RYR3: variants seen among roughly 807,000 people sequenced by gnomAD.
The protein encoded by RYR3 is ryanodine receptor 3.
Under a neutral mutation model 584.3 loss-of-function variants are expected in RYR3, and 207 were observed. The ratio of observed to expected loss-of-function variants is 0.35; its 90% CI spans 0.32 to 0.40. The LOEUF is 0.40. Ranked by LOEUF, RYR3 falls within the 10% of genes least tolerant of loss-of-function variation. The pLI is 1.00. For missense variants in RYR3, 5,616 were observed against 6,089.2 expected, an observed-to-expected ratio of 0.92 and a Z score of 2.59; for synonymous variants, 2,416 against 2,248.5, an observed-to-expected ratio of 1.07 and a Z score of -2.11.
chr15:33,552,830 T>A (rs2056786429), intron 10 of RYR3, among the ~76,000 whole-genome samples: 1 of 152,328 alleles, frequency 6.6e-6, no homozygotes, highest in South Asian at 2.1e-4. Context: ...TTTCCTGGGC[T>A]TCCATGTGCC....
At chr15:33,763,576 C>T (rs1292688959) in intron 60 of RYR3, among the ~76,000 whole-genome samples, 7 of 151,996 alleles carry the variant, frequency 4.6e-5, no homozygotes, top group African/African-American at 2.4e-5. Context: ...TACCATCTCA[C>T]GCCAGTTAGA....
At chr15:33,375,937 G>A (rs940648013) in intron 1 of RYR3, among the ~76,000 whole-genome samples, 2 of 152,042 alleles carry the variant, frequency 1.3e-5, no homozygotes, top group South Asian at 2.1e-4. Context: ...GGTGGCGGGC[G>A]CCTGTAGTTG....
rs375717991 is a variant in RYR3 at position 33,724,047 on chromosome 15, C to G, written c.6801-18C>G. On this transcript the variant is annotated intron_variant, in intron 44 of 103. Coordinates refer to ENST00000634891, the MANE Select transcript of RYR3 (RefSeq NM_001036.6). ...CCTGCCAACCTTCCTCACACCTCCC[C>G]TCTGTTGGTTCTCTCAGCAGCACGG... 2.0e-6 allele frequency: 3 copies of G among 1,471,738 alleles called. No homozygotes were observed. In the South Asian group the frequency reaches 3.4e-5, roughly 17 times the overall value. 91.2% of individuals were successfully genotyped at this position (1,471,738 alleles called of 1,614,324 possible). A position where few individuals can be genotyped will look rare whatever the true frequency, so the allele number is the denominator to read the frequency against.
chr15:33,584,033 CAA>C (rs1014075278), intron 14 of RYR3, among the ~76,000 whole-genome samples: 6 of 151,762 alleles, frequency 4.0e-5, no homozygotes, highest in African/African-American at 1.2e-4. Flanking sequence ...GCCTGGGCAA[CAA>C]GAGTGAAAAC....
At chr15:33,395,891 T>C (rs1381135566) in intron 1 of RYR3, among the ~76,000 whole-genome samples, 2 of 152,184 alleles carry the variant, frequency 1.3e-5, no homozygotes, top group Non-Finnish European at 2.9e-5. Context: ...TAAAATGGCA[T>C]AGCATAGTTG....
At position 33,635,890 on chromosome 15, in the gene RYR3, C is replaced by T. The variant is rs2061474830; in HGVS notation, c.3381+71C>T. 6 of 1,315,186 alleles carry T rather than the reference C, an allele frequency of 4.6e-6. No homozygotes were observed. In the Admixed American group the frequency reaches 7.9e-5, roughly 17 times the overall value. 81.5% of individuals were successfully genotyped at this position (1,315,186 alleles called of 1,614,324 possible). On this transcript the variant is annotated intron_variant, in intron 26 of 103. Transcript: ENST00000634891. ...CCTTCTCCAAACATTTTTCTGGAAG[C>T]TCAAATTACTGGATCTCTGGCTTCA... is the stretch of plus-strand genomic sequence containing the variant.
rs200035756 is a variant in RYR3, at chr15:33,701,040, A to G, written c.6443A>G (p.Asn2148Ser). The change falls in exon 42 of 104, where the codon AAT (asparagine) becomes AGT (serine). Residue 2148 changes from asparagine (N) to serine (S), a missense_variant. Asn to Ser is a conservative substitution (Grantham distance 46). Coordinates refer to ENST00000634891, the MANE Select transcript of RYR3 (RefSeq NM_001036.6). ...DVAASSVMDN[N>S]ELALSLEEPD... is the part of the protein sequence containing the mutation. ...GCAGCTTCCTCTGTGATGGACAACA[A>G]TGAGTTAGCGCTGAGCTTAGAGGAA... 21 of 1,613,322 alleles carry G rather than the reference A, an allele frequency of 1.3e-5. No individual in the cohort carries two copies. The African/African-American group carries it at 2.8e-4, about 22-fold the overall frequency.
intron 38 of RYR3, among the ~76,000 whole-genome samples, chr15:33,677,882 G>A (rs2064292777): frequency 6.6e-6 from 1 of 152,214 alleles, no homozygotes; most frequent in African/African-American, 2.4e-5. Flanking sequence ...TATGACTGGG[G>A]CAGTTTTGTG....
At chr15:33,648,130 G>C (rs1048128147) in intron 30 of RYR3, among the ~76,000 whole-genome samples, 13 of 152,144 alleles carry the variant, frequency 8.5e-5, no homozygotes, top group Admixed American at 6.5e-4. Context: ...TAGTCTGTGG[G>C]GGACACTGTG....
In RYR3 at chr15:33,460,940, C is replaced by CTTTTTTTTTTTT. The variant is rs66742049; in HGVS notation, c.52-12468_52-12457dup. Among the ~76,000 whole-genome samples, 349 of 79,188 alleles carry CTTTTTTTTTTTT rather than the reference C, an allele frequency of 4.4e-3. 63 individuals carry two copies. Among genetic ancestry groups the CTTTTTTTTTTTT allele is most frequent in the African/African-American group, 0.017 (300 of 17,456 alleles). The allele number at this position is 79,188 out of a possible 152,430, so 52.0% of individuals were successfully genotyped here. ...GGAATTTGTGGCACATAATATCCACCTTTTTTTTTTTTTTTTTTTTTTAAG... is the reference window on the plus strand; with the variant it reads ...GGAATTTGTGGCACATAATATCCACCTTTTTTTTTTTTTTTTTTTTTTTTTTTTTTTTTTAAG... On this transcript the variant is annotated intron_variant, in intron 1 of 103. Transcript: ENST00000634891.
intron 36 of RYR3, among the ~76,000 whole-genome samples, chr15:33,668,752 A>G (rs754156006): frequency 1.3e-5 from 2 of 152,228 alleles, no homozygotes; most frequent in Admixed American, 6.5e-5. Context: ...ATAAAAAAAC[A>G]TTAAAATATG....
intron 1 of RYR3, among the ~76,000 whole-genome samples, chr15:33,382,364 C>T (rs1199655196): frequency 8.0e-6 from 1 of 125,778 alleles, no homozygotes; most frequent in East Asian, 2.5e-4. Flanking sequence ...CGCTTTGTCG[C>T]CCAGGCTGGA....
Position 33,860,674 on chromosome 15 carries a change from A to G in RYR3, c.14364+15A>G. 6.5e-7 allele frequency: 1 copy of G among 1,546,196 alleles called. No homozygotes were observed. The highest frequency in any genetic ancestry group is 8.8e-7 in the Non-Finnish European group (1 of 1,130,644). ...AAGATATGGAGGTAATGTTACTCTA[A>G]CTACTAATCCCAGCTCTATTTTAAT... is the stretch of plus-strand genomic sequence containing the variant. On this transcript the variant is annotated intron_variant, in intron 101 of 103. Coordinates refer to ENST00000634891, the MANE Select transcript of RYR3 (RefSeq NM_001036.6).
chr15:33,838,410 A>C lies in RYR3; in HGVS notation c.12430A>C (p.Met4144Leu). 6.2e-7 allele frequency: 1 copy of C among 1,614,038 alleles called. No homozygotes were observed. The highest frequency in any genetic ancestry group is 8.5e-7 in the Non-Finnish European group (1 of 1,179,898). Reference sequence around the variant, plus strand: ...TCTTGAGCCGGCCTCTGCATTTGCTATGGCCTGTGCCTCTGTGAAGAGGAA... The same window carrying C: ...TCTTGAGCCGGCCTCTGCATTTGCTCTGGCCTGTGCCTCTGTGAAGAGGAA... ...GSLEPASAFA[M>L]ACASVKRNVT... Residue 4144 changes from methionine (M) to leucine (L), a missense_variant, in exon 89 of 104, where the codon ATG (methionine) becomes CTG (leucine). By Grantham distance (15) the Met-to-Leu change is conservative. Around this residue, in one of 9 missense-constraint regions of RYR3, gnomAD observed 918 missense variants for 887.4 expected, o/e 1.03. Coordinates refer to ENST00000634891, the MANE Select transcript of RYR3 (RefSeq NM_001036.6).
chr15:33,735,083 A>G (rs1033933455), intron 48 of RYR3, among the ~76,000 whole-genome samples: 2 of 152,208 alleles, frequency 1.3e-5, no homozygotes, highest in African/African-American at 4.8e-5. Context: ...CTTGAGCTCT[A>G]GATGTAGCAG....
chr15:33,382,002 C>T (rs1447458224), intron 1 of RYR3, among the ~76,000 whole-genome samples: 1 of 152,002 alleles, frequency 6.6e-6, no homozygotes, highest in Non-Finnish European at 1.5e-5. Context: ...AGGAATCAAG[C>T]GAGTTCAGAA....
Position 33,854,841 on chromosome 15 carries a change from C to G in RYR3, c.13936C>G (p.Leu4646Val). 3.7e-6 allele frequency: 6 copies of G among 1,613,848 alleles called. No homozygotes were observed. Among genetic ancestry groups the G allele is most frequent in the Non-Finnish European group, 5.1e-6 (6 of 1,179,836 alleles). ...CAATAACTTCTTCTTTGCTGCTCAC[C>G]TATTGGACATCGCAATGGGCTTCAA... is the stretch of plus-strand genomic sequence containing the variant. ...HYNNFFFAAH[L>V]LDIAMGFKTL... Residue 4646 changes from leucine (L) to valine (V), a missense_variant, in exon 98 of 104, where the codon CTA becomes GTA. This residue lies in a region of RYR3 where 918 missense variants were observed against 887.4 expected (regional missense o/e 1.03). Coordinates refer to ENST00000634891, the MANE Select transcript of RYR3 (RefSeq NM_001036.6).
intron 1 of RYR3, among the ~76,000 whole-genome samples, chr15:33,458,876 A>G (rs1440782865): frequency 6.6e-6 from 1 of 152,246 alleles, no homozygotes; most frequent in Non-Finnish European, 1.5e-5. Context: ...CTTGATTGAA[A>G]GGAAATGAAG....
intron 28 of RYR3, among the ~76,000 whole-genome samples, chr15:33,645,923 C>G (rs1422651861): frequency 6.6e-6 from 1 of 152,140 alleles, no homozygotes; most frequent in Non-Finnish European, 1.5e-5. Context: ...GGACATCCTT[C>G]CTGAGCTTTG....
Sources: allele counts gnomAD v4.1 joint callset (sites outside exome capture counted in the v4.1 genomes callset), GRCh38; gene constraint gnomAD v4.1.1; regional missense constraint gnomAD v4.1.1; transcripts MANE v1.5; gene names NCBI Gene and HGNC (gene_info 2026-07-23, HGNC 2026-07-21).